DNAH14: variants seen among roughly 807,000 people sequenced by gnomAD.
The protein encoded by DNAH14 is axonemal beta dynein heavy chain 14.
In DNAH14, 478 loss-of-function variants were observed where a neutral mutation model predicts 520.9. The observed-to-expected ratio is 0.92, with a 90% CI of 0.85 to 0.99. DNAH14 has a LOEUF of 0.99. Among genes scored for constraint, DNAH14 ranks in the 50% least tolerant of loss-of-function variants. The pLI is 0.00. For missense variants in DNAH14, 4,831 were observed against 5,234.5 expected (o/e 0.92, Z 2.38); for synonymous variants, 1,581 against 1,757.2 (o/e 0.90, Z 2.51).
chr1:224,994,118 G>A (rs2063235369), intron 8 of DNAH14, among the ~76,000 whole-genome samples: 2 of 151,898 alleles, frequency 1.3e-5, no homozygotes, highest in Admixed American at 1.3e-4. Flanking sequence ...TCTCCTGGAG[G>A]GTGTTTTGTG....
chr1:225,167,885 T>C, intron 35 of DNAH14, 54 bp from the exon 36 acceptor site: 1 of 1,045,042 alleles, frequency 9.6e-7, no homozygotes, highest in Non-Finnish European at 1.4e-6. Context: ...AAGATAAAAA[T>C]TTAAGAGTTT....
chr1:225,216,801 CT>C (rs2089410113), intron 41 of DNAH14, among the ~76,000 whole-genome samples: 1 of 152,092 alleles, frequency 6.6e-6, no homozygotes, highest in African/African-American at 2.4e-5. Flanking sequence ...TTCGTCTAAT[CT>C]TTTTTCAAGG....
intron 81 of DNAH14, 126 bp downstream of exon 81, chr1:225,381,705 T>G: frequency 2.5e-6 from 2 of 792,130 alleles, no homozygotes; most frequent in Non-Finnish European, 3.9e-6. Context: ...GATGCTGACG[T>G]ACTTTTTCAT....
intron 55 of DNAH14, among the ~76,000 whole-genome samples, chr1:225,298,572 T>C (rs1238272534): frequency 6.6e-6 from 1 of 152,154 alleles, no homozygotes; most frequent in Non-Finnish European, 1.5e-5. Flanking sequence ...TAGACACCCA[T>C]GTGGACTTGG....
At chr1:225,234,934 G>A (rs183013439) in intron 42 of DNAH14, among the ~76,000 whole-genome samples, 1 of 152,276 alleles carries the variant, frequency 6.6e-6, no homozygotes, top group East Asian at 1.9e-4. Flanking sequence ...ATCAACTTAA[G>A]AAGCTTTTGG....
chr1:225,136,817 A>G (rs1356120430), intron 27 of DNAH14, among the ~76,000 whole-genome samples: 1 of 152,122 alleles, frequency 6.6e-6, no homozygotes. Context: ...CTCTTTCCAT[A>G]ATCCCATAAT....
chr1:225,110,627 C>G (rs2076410599), intron 23 of DNAH14, among the ~76,000 whole-genome samples: 1 of 151,518 alleles, frequency 6.6e-6, no homozygotes, highest in Admixed American at 6.6e-5. Context: ...CTAAAAACAA[C>G]TTTTCATTTT....
chr1:224,955,762 C>T (rs2060473232), intron 3 of DNAH14, among the ~76,000 whole-genome samples: 1 of 152,132 alleles, frequency 6.6e-6, no homozygotes, highest in Admixed American at 6.6e-5. Flanking sequence ...GATATATTCT[C>T]TTATGTCTTT....
intron 11 of DNAH14, 52 bp downstream of exon 11, chr1:225,023,917 C>T: frequency 1.4e-6 from 2 of 1,475,430 alleles, no homozygotes; most frequent in Non-Finnish European, 1.8e-6. Context: ...AATATTTTAA[C>T]ATTGCCACAT....
intron 3 of DNAH14, among the ~76,000 whole-genome samples, chr1:224,955,376 T>C (rs1242623958): frequency 6.6e-6 from 1 of 152,194 alleles, no homozygotes; most frequent in African/African-American, 2.4e-5. Flanking sequence ...CACTTTTTCA[T>C]GCATATCATG....
chr1:225,274,197 A>ATTTTCTTTTTT (rs2093397664), intron 52 of DNAH14, among the ~76,000 whole-genome samples: 1 of 92,884 alleles, frequency 1.1e-5, no homozygotes, highest in African/African-American at 4.0e-5. Flanking sequence ...AGCATCTGTT[A>ATTTTCTTTTTT]TTTTTTTTTT....
chr1:225,335,121 G>GTATA (rs1473578276), intron 66 of DNAH14, among the ~76,000 whole-genome samples: 9 of 144,576 alleles, frequency 6.2e-5, no homozygotes, highest in African/African-American at 1.8e-4. Flanking sequence ...ATATATACAT[G>GTATA]TGTACATATG....
intron 34 of DNAH14, among the ~76,000 whole-genome samples, chr1:225,154,767 A>G (rs2080862794): frequency 6.6e-6 from 1 of 152,054 alleles, no homozygotes; most frequent in Non-Finnish European, 1.5e-5. Flanking sequence ...TTCTTGGAGT[A>G]CGGAAGATCT....
At chr1:225,012,630 C>T (rs1341112639) in intron 10 of DNAH14, among the ~76,000 whole-genome samples, 1 of 152,162 alleles carries the variant, frequency 6.6e-6, no homozygotes, top group Non-Finnish European at 1.5e-5. Flanking sequence ...TTCACATAGT[C>T]TCATATTTCT....
intron 27 of DNAH14, among the ~76,000 whole-genome samples, chr1:225,138,172 G>A (rs1054735257): frequency 1.3e-5 from 2 of 152,120 alleles, no homozygotes; most frequent in African/African-American, 4.8e-5. Flanking sequence ...CCAGTGAGAA[G>A]TAGTATGTCA....
At chr1:225,296,691 C>T (rs1350011677) in intron 55 of DNAH14, among the ~76,000 whole-genome samples, 2 of 152,026 alleles carry the variant, frequency 1.3e-5, no homozygotes. Context: ...GATGAATTCC[C>T]TCAGGTTTTG....
chr1:224,968,712 A>G, intron 6 of DNAH14, 47 bp from the exon 7 acceptor site: 2 of 1,146,526 alleles, frequency 1.7e-6, no homozygotes, highest in East Asian at 3.0e-5. Flanking sequence ...AAAATGGTAC[A>G]TATTTTTTAA....
chr1:225,230,918 GT>G (rs1421531321), intron 41 of DNAH14, among the ~76,000 whole-genome samples, 154 bp from the exon 42 acceptor site: 4 of 152,070 alleles, frequency 2.6e-5, no homozygotes, highest in Non-Finnish European at 5.9e-5. Context: ...TTCCCACTTT[GT>G]TTTGATAAGT....
Position 225,399,035 on chromosome 1 carries a change from ATTT to A in DNAH14, c.13639-7_13639-5del, listed in dbSNP as rs77118391. On this transcript the variant is annotated splice_polypyrimidine_tract_variant and intron_variant, in intron 85 of 85. Coordinates refer to ENST00000682510, the MANE Select transcript of DNAH14 (RefSeq NM_001367479.1). ...TTGAACTATGCAATTTGACTACTGG[ATTT>A]TTTTTTTTTTTAAAGATTTCTACCA... 8 of 1,149,876 alleles carry A rather than the reference ATTT, an allele frequency of 7.0e-6. No homozygotes were observed. The highest frequency in any genetic ancestry group is 2.4e-5 in the Admixed American group (1 of 41,812). 71.2% of individuals were successfully genotyped at this position (1,149,876 alleles called of 1,614,324 possible). A position where few individuals can be genotyped will look rare whatever the true frequency, so the allele number is the denominator to read the frequency against.
Sources: gnomAD v4.1 joint callset for allele counts (sites outside exome capture counted in the v4.1 genomes callset) on GRCh38, gnomAD v4.1.1 for gene constraint, MANE v1.5 for transcripts, NCBI Gene and HGNC (gene_info 2026-07-23, HGNC 2026-07-21) for gene names.